The following TBC1D5 variants were observed in gnomAD, a reference collection of about 807,000 sequenced individuals.
TBC1D5 encodes TBC1 domain family, member 5.
In TBC1D5, 75 loss-of-function variants were observed where a neutral mutation model predicts 100.3. The ratio of observed to expected loss-of-function variants is 0.75; its 90% CI spans 0.62 to 0.91. The LOEUF (loss-of-function observed/expected upper bound fraction) is 0.91. Among genes scored for constraint, TBC1D5 ranks in the 40% least tolerant of loss-of-function variants. The pLI is 0.00. For missense variants in TBC1D5, 910 were observed against 942.4 expected, an observed-to-expected ratio of 0.97 and a Z score of 0.45; for synonymous variants, 323 against 325.6, an observed-to-expected ratio of 0.99 and a Z score of 0.09.
chr3:17,608,993 T>G (rs1364503694), intron 2 of TBC1D5, among the ~76,000 whole-genome samples: 1 of 152,192 alleles, frequency 6.6e-6, no homozygotes, highest in Non-Finnish European at 1.5e-5. Flanking sequence ...ACCATTTGTT[T>G]AACCACTATT....
exon 22 of TBC1D5, chr3:17,160,870 T>TG: frequency 6.9e-7 from 1 of 1,441,302 alleles, no homozygotes. Flanking sequence ...GAAGCAGTGG[T>TG]TTAAGAAGGT....
intron 2 of TBC1D5, chr3:17,576,396 T>TA (rs2096657426): frequency 1.3e-5 from 2 of 151,980 alleles, no homozygotes; most frequent in Admixed American, 6.6e-5. Context: ...CTATAATATT[T>TA]AAAATAGCAC....
chr3:17,260,950 T>TA (rs962966577), intron 15 of TBC1D5, among the ~76,000 whole-genome samples: 6 of 152,366 alleles, frequency 3.9e-5, no homozygotes, highest in Admixed American at 2.0e-4. Flanking sequence ...ATTTTATACT[T>TA]ATGGCACATC....
At chr3:17,167,680 C>T in intron 20 of TBC1D5, 69 bp downstream of exon 21, 2 of 1,403,508 alleles carry the variant, frequency 1.4e-6, no homozygotes, top group Non-Finnish European at 2.0e-6. Context: ...TCATGGTGCT[C>T]CATGCCCTGG....
chr3:17,406,996 C>T (rs1336423007), intron 4 of TBC1D5, among the ~76,000 whole-genome samples: 1 of 152,082 alleles, frequency 6.6e-6, no homozygotes, highest in Non-Finnish European at 1.5e-5. Flanking sequence ...TAAAAGACTA[C>T]TTTAACTGTT....
At chr3:17,317,876 G>A (rs1443793713) in intron 13 of TBC1D5, among the ~76,000 whole-genome samples, 1 of 151,812 alleles carries the variant, frequency 6.6e-6, no homozygotes, top group Non-Finnish European at 1.5e-5. Flanking sequence ...CCCATTACTG[G>A]GTATATACCC....
At chr3:17,223,177 A>G (rs1251278208) in intron 17 of TBC1D5, among the ~76,000 whole-genome samples, 4 of 152,194 alleles carry the variant, frequency 2.6e-5, no homozygotes, top group Non-Finnish European at 4.4e-5. Context: ...GAAGCTTTCC[A>G]GGTTTGTATA....
chr3:17,322,510 T>C (rs542606393), intron 13 of TBC1D5, among the ~76,000 whole-genome samples: 10 of 152,182 alleles, frequency 6.6e-5, no homozygotes, highest in Non-Finnish European at 1.5e-4. Context: ...AAACCCCAGA[T>C]GAATCCTGTG....
intron 3 of TBC1D5, among the ~76,000 whole-genome samples, chr3:17,447,089 T>C (rs917290554): frequency 2.6e-5 from 4 of 152,150 alleles, no homozygotes; most frequent in African/African-American, 9.7e-5. Context: ...AGGATGTTAC[T>C]GTCAAGGCCA....
chr3:17,228,132 G>T (rs947523586), intron 17 of TBC1D5, among the ~76,000 whole-genome samples: 2 of 152,106 alleles, frequency 1.3e-5, no homozygotes, highest in Non-Finnish European at 2.9e-5. Context: ...GTTGGTCCAG[G>T]CAAGAGATTA....
intron 13 of TBC1D5, among the ~76,000 whole-genome samples, chr3:17,345,684 T>C (rs1378286964): frequency 6.6e-6 from 1 of 151,400 alleles, no homozygotes; most frequent in Non-Finnish European, 1.5e-5. Flanking sequence ...TGTCCAACAA[T>C]GATAGACTGG....
chr3:17,559,489 C>T (rs534160267), intron 2 of TBC1D5, among the ~76,000 whole-genome samples: 2 of 152,030 alleles, frequency 1.3e-5, no homozygotes, highest in South Asian at 2.1e-4. Flanking sequence ...TTTACAAATG[C>T]CACAGGATAT....
chr3:17,698,204 A>C (rs1282227117), intron 1 of TBC1D5, among the ~76,000 whole-genome samples: 1 of 152,248 alleles, frequency 6.6e-6, no homozygotes, highest in Non-Finnish European at 1.5e-5. Flanking sequence ...GATATAGATC[A>C]ATGGAACAGA....
chr3:17,705,272 G>A (rs986980460), intron 1 of TBC1D5, among the ~76,000 whole-genome samples: 16 of 90,910 alleles, frequency 1.8e-4, no homozygotes, highest in African/African-American at 6.4e-4. Context: ...CCTCCCGGAC[G>A]GCACGGCTGG....
intron 2 of TBC1D5, among the ~76,000 whole-genome samples, chr3:17,618,024 C>T (rs1236059192): frequency 6.6e-6 from 1 of 152,200 alleles, no homozygotes; most frequent in Admixed American, 6.5e-5. Context: ...GGTTTCTCCC[C>T]ATCTTTGTGG....
intron 4 of TBC1D5, 39 bp downstream of exon 4, chr3:17,428,411 G>GTGTATA: frequency 4.6e-6 from 1 of 215,722 alleles, no homozygotes; most frequent in Non-Finnish European, 8.5e-6. Context: ...GTGTGTGTGT[G>GTGTATA]TATATATATA....
intron 16 of TBC1D5, among the ~76,000 whole-genome samples, chr3:17,251,745 A>C (rs1342504464): frequency 2.0e-5 from 3 of 152,176 alleles, no homozygotes; most frequent in Non-Finnish European, 2.9e-5. Context: ...GCTCTGATTT[A>C]ACTTACTTGC....
intron 17 of TBC1D5, among the ~76,000 whole-genome samples, chr3:17,221,826 T>G (rs2074326921): frequency 6.6e-6 from 1 of 152,176 alleles, no homozygotes; most frequent in African/African-American, 2.4e-5. Flanking sequence ...CCTAGAGAAA[T>G]GTTAAATAAA....
chr3:17,466,967 T>C (rs775813484), intron 3 of TBC1D5, among the ~76,000 whole-genome samples: 12 of 152,078 alleles, frequency 7.9e-5, no homozygotes, highest in Non-Finnish European at 1.6e-4. Context: ...AAATATTTAG[T>C]ATTTTCTAAA....
Sources: allele counts gnomAD v4.1 joint callset (sites outside exome capture counted in the v4.1 genomes callset), GRCh38; gene constraint gnomAD v4.1.1; transcripts MANE v1.5; gene names NCBI Gene and HGNC (gene_info 2026-07-23, HGNC 2026-07-21).